Variants in YLPM1 observed in about 807,000 individuals in gnomAD.
YLPM1 encodes YLP motif-containing protein 1.
In YLPM1, 99 loss-of-function variants were observed where a neutral mutation model predicts 230.0. The observed-to-expected ratio is 0.43, with a 90% CI of 0.37 to 0.51. The LOEUF (loss-of-function observed/expected upper bound fraction) is 0.51. YLPM1 is among the 20% of genes least tolerant of loss of function. YLPM1 has a pLI of 0.00. For synonymous variants in YLPM1, 984 were observed against 942.5 expected (o/e 1.04, Z -0.81); for missense variants, 2,592 against 2,707.7 (o/e 0.96, Z 0.95).
At chr14:74,816,165 C>CA in intron 11 of YLPM1, 38 bp from the exon 12 acceptor site, 2 of 1,500,342 alleles carry the variant, frequency 1.3e-6, no homozygotes, top group Non-Finnish European at 1.8e-6. Context: ...AATTTTCTCT[C>CA]AGTGATTTTT....
chr14:74,767,618 A>G (rs138347225), intron 1 of YLPM1, among the ~76,000 whole-genome samples: 117 of 152,320 alleles, frequency 7.7e-4, no homozygotes, highest in African/African-American at 2.6e-3. Context: ...GTTTCCACAC[A>G]TTGCCAAGTA....
At chr14:74,776,379 T>C (rs1471556987) in intron 1 of YLPM1, among the ~76,000 whole-genome samples, 1 of 152,202 alleles carries the variant, frequency 6.6e-6, no homozygotes, top group Non-Finnish European at 1.5e-5. Context: ...ATTTAGTACA[T>C]ATTGTTGATT....
At chr14:74,810,462 TA>T in intron 9 of YLPM1, 42 bp downstream of exon 9, 3 of 1,565,708 alleles carry the variant, frequency 1.9e-6, no homozygotes, top group Non-Finnish European at 2.6e-6. Context: ...CAAATTACTG[TA>T]TACTTAACAG....
chr14:74,834,471 G>A (rs1256015445), intron 19 of YLPM1, among the ~76,000 whole-genome samples: 1 of 152,104 alleles, frequency 6.6e-6, no homozygotes, highest in Non-Finnish European at 1.5e-5. Flanking sequence ...GTCTGTTAGG[G>A]AAGACAGATC....
At chr14:74,789,321 A>T (rs2091182066) in intron 4 of YLPM1, among the ~76,000 whole-genome samples, 1 of 152,034 alleles carries the variant, frequency 6.6e-6, no homozygotes, top group Non-Finnish European at 1.5e-5. Context: ...GGTTCAAGCG[A>T]TTCTCCTGTC....
chr14:74,769,920 C>T (rs1426745059), intron 1 of YLPM1, among the ~76,000 whole-genome samples: 6 of 146,260 alleles, frequency 4.1e-5, no homozygotes, highest in Non-Finnish European at 6.0e-5. Flanking sequence ...CAGTGGCTCA[C>T]GCCTGTAATC....
At chr14:74,795,700 A>G (rs1271571302) in intron 4 of YLPM1, among the ~76,000 whole-genome samples, 1 of 152,208 alleles carries the variant, frequency 6.6e-6, no homozygotes, top group African/African-American at 2.4e-5. Flanking sequence ...GTCTCTGTCC[A>G]CTATTTTTCT....
In YLPM1 at chr14:74,798,858, G is replaced by A. The variant is rs759716246; in HGVS notation, c.3561G>A (p.Glu1187=). 1.2e-6 allele frequency: 2 copies of A among 1,613,854 alleles called. No individual in the cohort carries two copies. The highest frequency in any genetic ancestry group is 1.1e-5 in the South Asian group (1 of 91,074). Residue 1187 remains glutamate (E), a synonymous_variant, in exon 5 of 21, where the codon GAG becomes GAA. Transcript: ENST00000325680. ...GEKMYPYHRD[E]PPRAPWNHGE... Reference sequence around the variant, plus strand: ...AAATGTATCCATATCACCGGGATGAGCCTCCTAGGGCTCCATGGAACCATG... The same window carrying A: ...AAATGTATCCATATCACCGGGATGAACCTCCTAGGGCTCCATGGAACCATG...
At chr14:74,792,650 T>C (rs2091218108) in intron 4 of YLPM1, among the ~76,000 whole-genome samples, 1 of 152,240 alleles carries the variant, frequency 6.6e-6, no homozygotes, top group Non-Finnish European at 1.5e-5. Flanking sequence ...TAAATAATTA[T>C]GTTGCCCTTT....
intron 4 of YLPM1, among the ~76,000 whole-genome samples, chr14:74,785,429 C>G (rs751599107): frequency 6.6e-6 from 1 of 152,160 alleles, no homozygotes; most frequent in Non-Finnish European, 1.5e-5. Context: ...TTTCAGTCAC[C>G]CCCTGCTGCT....
intron 16 of YLPM1, among the ~76,000 whole-genome samples, 161 bp from the exon 17 acceptor site, chr14:74,820,896 C>T (rs181920967): frequency 2.6e-4 from 40 of 152,202 alleles, no homozygotes; most frequent in African/African-American, 9.4e-4. Flanking sequence ...TGTCTTTTAT[C>T]AGTTCTGTTT....
chr14:74,805,166 C>G (rs1453400842), intron 6 of YLPM1, among the ~76,000 whole-genome samples: 1 of 151,574 alleles, frequency 6.6e-6, no homozygotes, highest in African/African-American at 2.4e-5. Context: ...ATTACAGGTG[C>G]CTGGCACCAC....
At chr14:74,780,939 A>G (rs1389296124) in intron 3 of YLPM1, among the ~76,000 whole-genome samples, 1 of 152,224 alleles carries the variant, frequency 6.6e-6, no homozygotes, top group Non-Finnish European at 1.5e-5. Context: ...AAAAAACCTA[A>G]GCAAATATAC....
intron 6 of YLPM1, among the ~76,000 whole-genome samples, chr14:74,809,122 T>C (rs2091408410): frequency 6.6e-6 from 1 of 151,466 alleles, no homozygotes; most frequent in East Asian, 1.9e-4. Flanking sequence ...TTTTTTTTTA[T>C]GATTTGTCTT....
chr14:74,795,438 A>T (rs1239833732), intron 4 of YLPM1, among the ~76,000 whole-genome samples: 1 of 152,210 alleles, frequency 6.6e-6, no homozygotes, highest in Non-Finnish European at 1.5e-5. Context: ...AAAGCCTCCT[A>T]GCACTCATTA....
At chr14:74,810,927 G>C (rs1036670716) in intron 9 of YLPM1, among the ~76,000 whole-genome samples, 20 of 152,134 alleles carry the variant, frequency 1.3e-4, no homozygotes, top group Admixed American at 4.6e-4. Flanking sequence ...GGGCTCAAGT[G>C]ATCCTCCCAC....
chr14:74,816,075 T>C lies in YLPM1; in HGVS notation c.5503-128T>C, dbSNP rs1253676416. 3 of 722,246 alleles carry C rather than the reference T, an allele frequency of 4.2e-6. No homozygotes were observed. The East Asian group carries it at 8.2e-5, about 20-fold the overall frequency. 44.7% of individuals were successfully genotyped at this position (722,246 alleles called of 1,614,324 possible). Reference sequence around the variant, plus strand: ...TATTATTTCTGTCCTTTCAAATTTATGAAGGTTTGTTTCATGGCCTGTTGT... The same window carrying C: ...TATTATTTCTGTCCTTTCAAATTTACGAAGGTTTGTTTCATGGCCTGTTGT... On this transcript the variant is annotated intron_variant, in intron 11 of 20. Coordinates refer to ENST00000325680, the MANE Select transcript of YLPM1 (RefSeq NM_019589.3).
chr14:74,801,042 T>C (rs2091319707), intron 5 of YLPM1, among the ~76,000 whole-genome samples: 1 of 152,260 alleles, frequency 6.6e-6, no homozygotes. Context: ...TTATGGAGAA[T>C]ACCAAGCTGA....
intron 20 of YLPM1, 134 bp downstream of exon 20, chr14:74,835,581 C>T (rs1055242229): frequency 3.9e-6 from 3 of 766,616 alleles, no homozygotes; most frequent in African/African-American, 3.5e-5. Context: ...TAAGTATGTA[C>T]TAGTTGTTAA....
Sources: allele counts gnomAD v4.1 joint callset (sites outside exome capture counted in the v4.1 genomes callset), GRCh38; gene constraint gnomAD v4.1.1; transcripts MANE v1.5; gene names NCBI Gene and HGNC (gene_info 2026-07-23, HGNC 2026-07-21).